PROS1: variants seen among roughly 807,000 people sequenced by gnomAD.
The protein encoded by PROS1 is vitamin K-dependent protein S.
In PROS1, 29 loss-of-function variants were observed where a neutral mutation model predicts 75.9. The ratio of observed to expected loss-of-function variants is 0.38; its 90% CI spans 0.28 to 0.52. The LOEUF (loss-of-function observed/expected upper bound fraction) is 0.52, where lower values mean the gene tolerates loss of function less well. Ranked by LOEUF, PROS1 falls within the 20% of genes least tolerant of loss-of-function variation. PROS1 has a pLI of 0.83. For missense variants in PROS1, 680 were observed against 810.3 expected (o/e 0.84, Z 1.95); for synonymous variants, 245 against 280.6 (o/e 0.87, Z 1.27).
At chr3:93,917,295 G>GT (rs1708870971) in intron 3 of PROS1, among the ~76,000 whole-genome samples, 1 of 152,024 alleles carries the variant, frequency 6.6e-6, no homozygotes, top group African/African-American at 2.4e-5. Flanking sequence ...GTTTTGTTTT[G>GT]TTTTTTGTTT....
intron 1 of PROS1, among the ~76,000 whole-genome samples, chr3:93,951,446 T>A (rs991944950): frequency 9.2e-5 from 14 of 152,294 alleles, no homozygotes; most frequent in African/African-American, 3.4e-4. Context: ...ATATTCAACA[T>A]TCTTAAAGAA....
chr3:93,897,359 C>T (rs1235166693), intron 8 of PROS1, among the ~76,000 whole-genome samples: 2 of 151,366 alleles, frequency 1.3e-5, no homozygotes, highest in African/African-American at 2.4e-5. Context: ...TTATTGAACA[C>T]ATATGAGGAT....
intron 1 of PROS1, among the ~76,000 whole-genome samples, chr3:93,949,564 T>C (rs1404105944): frequency 6.6e-6 from 1 of 151,916 alleles, no homozygotes; most frequent in African/African-American, 2.4e-5. Context: ...ATGAAAGAAA[T>C]TTAATACTTT....
chr3:93,972,963 A>G (rs555647941), intron 1 of PROS1, among the ~76,000 whole-genome samples: 1 of 152,330 alleles, frequency 6.6e-6, no homozygotes, highest in South Asian at 2.1e-4. Flanking sequence ...TATATTTTTC[A>G]GAGAAAACTC....
chr3:93,964,555 T>C (rs1320620205), intron 1 of PROS1, among the ~76,000 whole-genome samples: 2 of 152,180 alleles, frequency 1.3e-5, no homozygotes, highest in Non-Finnish European at 2.9e-5. Flanking sequence ...TCTCGAACCC[T>C]ATTTTCTGTT....
intron 1 of PROS1, among the ~76,000 whole-genome samples, chr3:93,961,528 A>T (rs73154799): frequency 3.0e-4 from 45 of 152,324 alleles, no homozygotes; most frequent in South Asian, 1.9e-3. Flanking sequence ...TTCAAATGAG[A>T]TCTCAACCAT....
At chr3:93,943,244 A>G (rs893016933) in intron 1 of PROS1, among the ~76,000 whole-genome samples, 21 of 152,156 alleles carry the variant, frequency 1.4e-4, no homozygotes, top group African/African-American at 4.8e-4. Context: ...CCTCCAACTT[A>G]AAAAGGAGGA....
At chr3:93,902,942 C>T (rs1708619423) in intron 6 of PROS1, among the ~76,000 whole-genome samples, 1 of 152,050 alleles carries the variant, frequency 6.6e-6, no homozygotes, top group Admixed American at 6.5e-5. Context: ...TCTCAGCTCA[C>T]TGCAAGCTCT....
intron 1 of PROS1, among the ~76,000 whole-genome samples, chr3:93,973,267 G>A (rs1709908305): frequency 3.9e-5 from 6 of 152,134 alleles, no homozygotes; most frequent in Admixed American, 3.9e-4. Context: ...TCAGGAGACG[G>A]GTGCAGGTTG....
At chr3:93,888,047 T>C (rs567498529) in intron 10 of PROS1, among the ~76,000 whole-genome samples, 17 of 152,342 alleles carry the variant, frequency 1.1e-4, no homozygotes, top group Admixed American at 9.2e-4. Flanking sequence ...TAGGTATTCA[T>C]GTAGGGAATA....
intron 1 of PROS1, among the ~76,000 whole-genome samples, chr3:93,970,559 TC>T (rs1709863584): frequency 6.6e-6 from 1 of 151,958 alleles, no homozygotes; most frequent in Non-Finnish European, 1.5e-5. Flanking sequence ...CCCAGGCTGG[TC>T]TTGAACTCCT....
chr3:93,910,567 T>C, intron 4 of PROS1, 52 bp downstream of exon 4: 1 of 1,443,346 alleles, frequency 6.9e-7, no homozygotes, highest in Non-Finnish European at 9.7e-7. Flanking sequence ...TGGGTGTACT[T>C]TACCTACAGA....
intron 6 of PROS1, among the ~76,000 whole-genome samples, chr3:93,905,568 C>A (rs896991791): frequency 6.6e-6 from 1 of 152,162 alleles, no homozygotes; most frequent in Non-Finnish European, 1.5e-5. Flanking sequence ...TGGAGCCACT[C>A]TACTCCAGTC....
At chr3:93,930,471 G>GT (rs1709091353) in intron 1 of PROS1, among the ~76,000 whole-genome samples, 2 of 152,102 alleles carry the variant, frequency 1.3e-5, no homozygotes, top group Non-Finnish European at 2.9e-5. Context: ...AAAAATCAAG[G>GT]TTAAATGCAC....
chr3:93,895,965 AAAAT>A (rs1708496087), intron 9 of PROS1, among the ~76,000 whole-genome samples: 1 of 152,192 alleles, frequency 6.6e-6, no homozygotes, highest in African/African-American at 2.4e-5. Context: ...CTCTGTCTCA[AAAAT>A]AAATAAATAT....
intron 1 of PROS1, among the ~76,000 whole-genome samples, chr3:93,969,807 A>T (rs1208321079): frequency 6.6e-6 from 1 of 152,034 alleles, no homozygotes; most frequent in Non-Finnish European, 1.5e-5. Context: ...AGTTAGCAAT[A>T]GTTCATTACT....
intron 3 of PROS1, among the ~76,000 whole-genome samples, chr3:93,920,762 A>C (rs1708935006): frequency 6.6e-6 from 1 of 151,984 alleles, no homozygotes; most frequent in East Asian, 1.9e-4. Flanking sequence ...GATTTTGTTC[A>C]CTTTCTTTTT....
At chr3:93,944,475 C>A (rs1709347565) in intron 1 of PROS1, among the ~76,000 whole-genome samples, 1 of 152,184 alleles carries the variant, frequency 6.6e-6, no homozygotes, top group Non-Finnish European at 1.5e-5. Flanking sequence ...ACAATGCAAT[C>A]AAACTAGAAC....
intron 1 of PROS1, among the ~76,000 whole-genome samples, chr3:93,934,676 T>C (rs749010283): frequency 1.3e-5 from 2 of 152,132 alleles, no homozygotes; most frequent in Non-Finnish European, 2.9e-5. Context: ...GAAGAAGTAA[T>C]CTGTGAATGA....
Sources: gnomAD v4.1 joint callset for allele counts (sites outside exome capture counted in the v4.1 genomes callset) on GRCh38, gnomAD v4.1.1 for gene constraint, MANE v1.5 for transcripts, NCBI Gene and HGNC (gene_info 2026-07-23, HGNC 2026-07-21) for gene names.